SLC9C1: variants seen among roughly 807,000 people sequenced by gnomAD.
SLC9C1 encodes the protein sodium/hydrogen exchanger 10.
Under a neutral mutation model 140.9 loss-of-function variants are expected in SLC9C1, and 97 were observed. The observed-to-expected ratio is 0.69, with a 90% confidence interval of 0.58 to 0.82. The LOEUF (loss-of-function observed/expected upper bound fraction) is 0.82, where lower values mean the gene tolerates loss of function less well. Ranked by LOEUF, SLC9C1 falls within the 40% of genes least tolerant of loss-of-function variation. SLC9C1 has a pLI of 0.00. For missense variants in SLC9C1, 1,340 were observed against 1,389.3 expected (o/e 0.96, Z 0.56); for synonymous variants, 440 against 442.6 (o/e 0.99, Z 0.07).
intron 26 of SLC9C1, 138 bp from the exon 27 acceptor site, chr3:112,155,187 G>C (rs2075095184): frequency 3.2e-6 from 2 of 619,908 alleles, no homozygotes; most frequent in Admixed American, 3.4e-5. Context: ...ATCTCATTTG[G>C]TTAAAAAAAA....
chr3:112,199,364 A>G lies in SLC9C1; in HGVS notation c.2480T>C (p.Leu827Ser). Reference sequence around the variant, plus strand: ...TTCAGTTTTACTAATAATTCCTTTTAAGCCAAAAGCCTTAAGAATTTCTGT... The same window carrying G: ...TTCAGTTTTACTAATAATTCCTTTTGAGCCAAAAGCCTTAAGAATTTCTGT... The part of the protein sequence containing the change: ...MATEILKAFG[L>S]KGIISKTEGA... Residue 827 changes from leucine to serine, a missense_variant, in exon 20 of 29, where the codon TTA becomes TCA. By Grantham distance (145) the Leu-to-Ser change is moderately radical. Transcript: ENST00000305815. 3 of 1,591,896 alleles carry G rather than the reference A, an allele frequency of 1.9e-6. No homozygotes were observed. The highest frequency in any genetic ancestry group is 2.6e-6 in the Non-Finnish European group (3 of 1,171,502).
intron 5 of SLC9C1, among the ~76,000 whole-genome samples, chr3:112,276,380 G>GA (rs34158065): frequency 0.022 from 3,302 of 147,064 alleles, 103 homozygotes; most frequent in South Asian, 0.12. Context: ...ATATATATAT[G>GA]AAAAAATATA....
At chr3:112,237,246 C>G (rs910605374) in intron 12 of SLC9C1, among the ~76,000 whole-genome samples, 1 of 152,040 alleles carries the variant, frequency 6.6e-6, no homozygotes, top group Non-Finnish European at 1.5e-5. Context: ...TTTTGATCTT[C>G]GTTGGTTTAA....
rs200555832 is a variant in SLC9C1 at position 112,278,756 on chromosome 3, C to T, written c.291G>A (p.Thr97=). 5.0e-5 allele frequency: 80 copies of T among 1,609,568 alleles called. No homozygotes were observed. The highest frequency in any genetic ancestry group is 1.7e-4 in the Middle Eastern group (1 of 6,024). ...GCCAAAATAACTTTTGAAGCATGTA[C>T]GTATCCATGTCAAATGCAGTAGTAA... ...VFFTTAFDMD[T]YMLQKLFWQI... is the part of the protein sequence containing the mutation. The change falls in exon 4 of 29, where the codon ACG becomes ACA. Residue 97 remains threonine, a synonymous_variant. Transcript: ENST00000305815.
intron 10 of SLC9C1, among the ~76,000 whole-genome samples, chr3:112,255,048 T>C (rs1172298306): frequency 6.6e-6 from 1 of 152,092 alleles, no homozygotes; most frequent in Non-Finnish European, 1.5e-5. Flanking sequence ...TACTAAATAT[T>C]AATGCACCTA....
intron 2 of SLC9C1, among the ~76,000 whole-genome samples, chr3:112,283,050 G>A (rs933606403): frequency 6.6e-6 from 1 of 152,204 alleles, no homozygotes; most frequent in African/African-American, 2.4e-5. Context: ...GGATGCTACT[G>A]TTTTACCGAG....
At chr3:112,162,031 A>G (rs1296673510) in intron 26 of SLC9C1, among the ~76,000 whole-genome samples, 2 of 152,144 alleles carry the variant, frequency 1.3e-5, no homozygotes, top group Non-Finnish European at 2.9e-5. Context: ...TCTTTGAAGC[A>G]CTTGTGAATG....
intron 26 of SLC9C1, among the ~76,000 whole-genome samples, chr3:112,163,781 A>G (rs2075379020): frequency 1.3e-5 from 2 of 152,150 alleles, no homozygotes; most frequent in African/African-American, 4.8e-5. Context: ...GTAGATGTCT[A>G]TTAGGTCCTC....
chr3:112,215,434 T>A (rs1228776893), intron 15 of SLC9C1, among the ~76,000 whole-genome samples: 1 of 152,144 alleles, frequency 6.6e-6, no homozygotes, highest in Non-Finnish European at 1.5e-5. Context: ...TGTTTGCAGA[T>A]GACATGATTG....
At position 112,199,459 on chromosome 3, in the gene SLC9C1, C is replaced by T. The variant is rs1240030164; in HGVS notation, c.2385G>A (p.Glu795=). ...TGACAGCAATTTCTGGGTGATCATA[C>T]TCTAAGTAGCCTAAAAAATAACAAA... ...EHAIKELGYL[E]YDHPEIAVTV... The change falls in exon 20 of 29, where the codon GAG becomes GAA. Residue 795 remains glutamate, a synonymous_variant. Coordinates refer to ENST00000305815, the MANE Select transcript of SLC9C1 (RefSeq NM_183061.3). The T allele has an allele frequency of 6.4e-7, 1 of 1,567,322 alleles. No homozygotes were observed. The highest frequency in any genetic ancestry group is 2.0e-5 in the Admixed American group (1 of 49,274).
chr3:112,165,971 G>A (rs894029448), intron 26 of SLC9C1, among the ~76,000 whole-genome samples: 2 of 152,264 alleles, frequency 1.3e-5, no homozygotes, highest in East Asian at 1.9e-4. Flanking sequence ...AAGCAATGGC[G>A]GGTCCCCCTC....
At chr3:112,242,599 A>G (rs545983442) in intron 11 of SLC9C1, among the ~76,000 whole-genome samples, 1 of 152,146 alleles carries the variant, frequency 6.6e-6, no homozygotes, top group Non-Finnish European at 1.5e-5. Context: ...AGAATGAAAA[A>G]GATCTGGCAT....
At chr3:112,271,410 T>TATATATATATATATATATATATAG (rs1553704077) in intron 6 of SLC9C1, among the ~76,000 whole-genome samples, 1 of 148,228 alleles carries the variant, frequency 6.7e-6, no homozygotes, top group Non-Finnish European at 1.5e-5. Flanking sequence ...TATATATATA[T>TATATATATATATATATATATATAG]CAAAGCCTCA....
At chr3:112,188,920 G>A (rs1189289224) in intron 20 of SLC9C1, among the ~76,000 whole-genome samples, 3 of 152,062 alleles carry the variant, frequency 2.0e-5, no homozygotes, top group Non-Finnish European at 2.9e-5. Flanking sequence ...TTTAATGATC[G>A]CCATTCTAAC....
At chr3:112,255,507 C>A (rs983907911) in intron 10 of SLC9C1, among the ~76,000 whole-genome samples, 6 of 151,996 alleles carry the variant, frequency 3.9e-5, no homozygotes, top group African/African-American at 1.2e-4. Context: ...AAAATAAAGG[C>A]AGAAATCAAG....
intron 20 of SLC9C1, among the ~76,000 whole-genome samples, chr3:112,186,777 A>G (rs1433462233): frequency 6.6e-6 from 1 of 152,252 alleles, no homozygotes; most frequent in Non-Finnish European, 1.5e-5. Context: ...GAACAGAAAA[A>G]GAGTCCAGAA....
In SLC9C1 at chr3:112,200,729, G is replaced by A; in HGVS notation, c.2356C>T (p.His786Tyr). The change falls in exon 19 of 29, where the codon CAT (histidine) becomes TAT (tyrosine). Residue 786 changes from histidine to tyrosine, a missense_variant. Physicochemically the swap from His to Tyr is moderately conservative, Grantham distance 83. Transcript: ENST00000305815. ...TACTTACCTAGCTCTTTTATAGCAT[G>A]TTCCATATTCCTTATCACTTGCTTT... ...LLKQVIRNME[H>Y]AIKELGYLEY... 6.2e-7 allele frequency: 1 copy of A among 1,609,930 alleles called. No individual in the cohort carries two copies. The highest frequency in any genetic ancestry group is 8.5e-7 in the Non-Finnish European group (1 of 1,178,148).
intron 25 of SLC9C1, among the ~76,000 whole-genome samples, chr3:112,168,355 AC>A (rs2077179381): frequency 9.7e-6 from 1 of 102,870 alleles, no homozygotes; most frequent in Non-Finnish European, 2.1e-5. Context: ...ACACACACAC[AC>A]ACACACACAC....
chr3:112,208,276 T>A lies in SLC9C1; in HGVS notation c.1888A>T (p.Ile630Phe). The A allele has an allele frequency of 6.2e-7, 1 of 1,610,858 alleles. No homozygotes were observed. The highest frequency in any genetic ancestry group is 8.5e-7 in the Non-Finnish European group (1 of 1,177,780). ...ACATTTAACTGGGATATCCAAGAGA[T>A]TATAAAGGGAAATATATTCATTAAT... ...VILMNIFPFI[I>F]SWISQLNVIY... is the part of the protein sequence containing the mutation. Residue 630 changes from isoleucine (I) to phenylalanine (F), a missense_variant, in exon 16 of 29, where the codon ATC (isoleucine) becomes TTC (phenylalanine). Physicochemically the swap from Ile to Phe is conservative, Grantham distance 21. Coordinates refer to ENST00000305815, the MANE Select transcript of SLC9C1 (RefSeq NM_183061.3).
Sources: gnomAD v4.1 joint callset for allele counts (sites outside exome capture counted in the v4.1 genomes callset) on GRCh38, gnomAD v4.1.1 for gene constraint, MANE v1.5 for transcripts, NCBI Gene and HGNC (gene_info 2026-07-23, HGNC 2026-07-21) for gene names.